Variants in CTNNA3 observed in about 807,000 individuals in gnomAD.
The protein encoded by CTNNA3 is catenin alpha-3.
In CTNNA3, 76 loss-of-function variants were observed where a neutral mutation model predicts 95.7. The observed-to-expected ratio is 0.79, with a 90% confidence interval of 0.66 to 0.96. The LOEUF (loss-of-function observed/expected upper bound fraction) is 0.96, where lower values mean the gene tolerates loss of function less well. Ranked by LOEUF, CTNNA3 falls within the 40% of genes least tolerant of loss-of-function variation. The pLI is 0.00. For synonymous variants in CTNNA3, 431 were observed against 374.4 expected (o/e 1.15, Z -1.74); for missense variants, 1,191 against 1,089.8 (o/e 1.09, Z -1.31).
At chr10:66,052,365 ATTGCCTTTGAGGTGAGTACTTAC>A (rs1430044137) in intron 15 of CTNNA3, among the ~76,000 whole-genome samples, 1 of 152,102 alleles carries the variant, frequency 6.6e-6, no homozygotes, top group East Asian at 1.9e-4. Context: ...AATATCAAAG[ATTGCCTTTGAGGTGAGTACTTAC>A]TTGAAATGAA....
chr10:66,980,034 C>CT (rs1394274822), intron 7 of CTNNA3, among the ~76,000 whole-genome samples: 2 of 152,108 alleles, frequency 1.3e-5, no homozygotes, highest in Middle Eastern at 3.2e-3. Context: ...ACTGGAGACA[C>CT]TTTTTTCCCT....
chr10:67,207,905 A>G (rs1284569607), intron 6 of CTNNA3, among the ~76,000 whole-genome samples: 3 of 152,164 alleles, frequency 2.0e-5, no homozygotes, highest in Non-Finnish European at 2.9e-5. Flanking sequence ...TGGGAACAGA[A>G]ATCTTCACTT....
intron 7 of CTNNA3, among the ~76,000 whole-genome samples, chr10:66,839,333 T>C (rs2132342647): frequency 6.6e-6 from 1 of 152,256 alleles, no homozygotes; most frequent in South Asian, 2.1e-4. Context: ...GTCAGAAATG[T>C]GACCAAAGAA....
chr10:66,305,474 C>T (rs1204607835), intron 12 of CTNNA3, among the ~76,000 whole-genome samples: 1 of 152,228 alleles, frequency 6.6e-6, no homozygotes, highest in Non-Finnish European at 1.5e-5. Context: ...ATCTTTAATC[C>T]TGTGTTACCT....
At chr10:66,193,415 C>T (rs2086786376) in intron 13 of CTNNA3, among the ~76,000 whole-genome samples, 1 of 152,074 alleles carries the variant, frequency 6.6e-6, no homozygotes, top group Non-Finnish European at 1.5e-5. Flanking sequence ...TCAAGCAAGG[C>T]AAATACTGAA....
At chr10:66,160,414 T>A (rs1487537695) in intron 13 of CTNNA3, among the ~76,000 whole-genome samples, 2 of 152,078 alleles carry the variant, frequency 1.3e-5, no homozygotes, top group Non-Finnish European at 2.9e-5. Context: ...ATTTCTTAAT[T>A]TCCATTTTGA....
At chr10:67,301,750 C>T (rs763005799) in intron 5 of CTNNA3, among the ~76,000 whole-genome samples, 6 of 152,002 alleles carry the variant, frequency 3.9e-5, no homozygotes, top group South Asian at 2.1e-4. Context: ...GGGTGGATCA[C>T]GAGGTCAGGA....
At chr10:67,180,945 A>C (rs746436361) in intron 6 of CTNNA3, among the ~76,000 whole-genome samples, 74 of 152,190 alleles carry the variant, frequency 4.9e-4, no homozygotes, top group Non-Finnish European at 1.9e-4. Flanking sequence ...TGTTTATACA[A>C]TATTTTCATG....
intron 5 of CTNNA3, among the ~76,000 whole-genome samples, chr10:67,507,681 T>C (rs1831292480): frequency 6.6e-6 from 1 of 152,012 alleles, no homozygotes. Context: ...CTCAAACTCC[T>C]CCAAAAAACT....
At chr10:67,163,973 C>A (rs1025637671) in intron 7 of CTNNA3, among the ~76,000 whole-genome samples, 5 of 151,820 alleles carry the variant, frequency 3.3e-5, no homozygotes, top group African/African-American at 1.2e-4. Flanking sequence ...TGAAAGAAAT[C>A]AAAGATCTAA....
intron 13 of CTNNA3, among the ~76,000 whole-genome samples, chr10:66,246,980 G>A (rs1313728055): frequency 6.6e-6 from 1 of 150,414 alleles, no homozygotes; most frequent in Non-Finnish European, 1.5e-5. Flanking sequence ...TTGAACCCGG[G>A]AGGAGGTTGC....
At chr10:67,475,971 T>C (rs1564676335) in intron 5 of CTNNA3, among the ~76,000 whole-genome samples, 4 of 152,106 alleles carry the variant, frequency 2.6e-5, no homozygotes, top group Non-Finnish European at 5.9e-5. Context: ...AGCAAAGATA[T>C]AGAAGATAGC....
At chr10:67,476,565 T>C (rs1198784236) in intron 5 of CTNNA3, among the ~76,000 whole-genome samples, 4 of 151,368 alleles carry the variant, frequency 2.6e-5, no homozygotes, top group Non-Finnish European at 5.9e-5. Flanking sequence ...TCTCCAGGCA[T>C]TGAAGCACTT....
At chr10:67,556,645 T>G (rs1325723575) in intron 3 of CTNNA3, among the ~76,000 whole-genome samples, 1 of 152,208 alleles carries the variant, frequency 6.6e-6, no homozygotes, top group African/African-American at 2.4e-5. Context: ...TCTTCTCTCT[T>G]TTCTTCTTTA....
intron 5 of CTNNA3, among the ~76,000 whole-genome samples, chr10:67,231,004 C>A (rs560204066): frequency 6.6e-6 from 1 of 152,352 alleles, no homozygotes; most frequent in African/African-American, 2.4e-5. Context: ...CTGTGTCCCG[C>A]ACCTGGCTGG....
intron 7 of CTNNA3, among the ~76,000 whole-genome samples, chr10:67,034,378 A>G (rs1361957897): frequency 6.6e-6 from 1 of 152,176 alleles, no homozygotes; most frequent in Admixed American, 6.5e-5. Flanking sequence ...ATGCCCAATA[A>G]AATGTTCTGG....
intron 10 of CTNNA3, among the ~76,000 whole-genome samples, chr10:66,585,232 T>C (rs1843320775): frequency 6.6e-6 from 1 of 152,100 alleles, no homozygotes; most frequent in Non-Finnish European, 1.5e-5. Flanking sequence ...TCTATGTCAC[T>C]AGCAAGTCCA....
At chr10:66,740,364 G>A (rs1313694302) in intron 9 of CTNNA3, among the ~76,000 whole-genome samples, 1 of 152,148 alleles carries the variant, frequency 6.6e-6, no homozygotes, top group African/African-American at 2.4e-5. Flanking sequence ...AGGCTCTGGG[G>A]TTTATGCTCC....
chr10:66,649,411 C>T (rs1303434768), intron 9 of CTNNA3, among the ~76,000 whole-genome samples: 1 of 152,102 alleles, frequency 6.6e-6, no homozygotes, highest in Non-Finnish European at 1.5e-5. Flanking sequence ...AAGAAAGACA[C>T]ACTGATAAAG....
Sources: allele counts gnomAD v4.1 joint callset (sites outside exome capture counted in the v4.1 genomes callset), GRCh38; gene constraint gnomAD v4.1.1; transcripts MANE v1.5; gene names NCBI Gene and HGNC (gene_info 2026-07-23, HGNC 2026-07-21).